The following FAR2 variants were observed in gnomAD, a reference collection of about 807,000 sequenced individuals.
FAR2 encodes fatty acyl-CoA reductase 2, also known as epididymis secretory protein Li 81.
Under a neutral mutation model 56.0 loss-of-function variants are expected in FAR2, and 19 were observed. The ratio of observed to expected loss-of-function variants is 0.34; its 90% confidence interval spans 0.24 to 0.50. The LOEUF is 0.50. Among genes scored for constraint, FAR2 ranks in the 20% least tolerant of loss-of-function variants. The probability of loss-of-function intolerance (pLI) is 0.98; values close to 1 mark genes in which losing one functional copy is unlikely to be tolerated. For missense variants in FAR2, 508 were observed against 642.2 expected (o/e 0.79, Z 2.26); for synonymous variants, 219 against 218.8 (o/e 1.00, Z -0.01).
At chr12:29,290,465 G>T (rs1948947614) in intron 2 of FAR2, among the ~76,000 whole-genome samples, 1 of 151,354 alleles carries the variant, frequency 6.6e-6, no homozygotes, top group South Asian at 2.1e-4. Flanking sequence ...AAAAAAGAAA[G>T]AAATACCATA....
chr12:29,305,528 G>T (rs1949241250), intron 4 of FAR2, among the ~76,000 whole-genome samples: 1 of 152,098 alleles, frequency 6.6e-6, no homozygotes, highest in Non-Finnish European at 1.5e-5. Flanking sequence ...AGGTTTATTG[G>T]CTCATTTTGT....
At chr12:29,207,258 C>T (rs1389215879) in intron 1 of FAR2, among the ~76,000 whole-genome samples, 3 of 152,146 alleles carry the variant, frequency 2.0e-5, no homozygotes, top group African/African-American at 4.8e-5. Flanking sequence ...CCCACTCTGG[C>T]CCCCTGCTTA....
chr12:29,210,402 A>G (rs1223417744), intron 1 of FAR2, among the ~76,000 whole-genome samples: 1 of 152,224 alleles, frequency 6.6e-6, no homozygotes, highest in Non-Finnish European at 1.5e-5. Flanking sequence ...TTCCAAGCCC[A>G]GGTTCTTTGT....
At chr12:29,187,679 T>C (rs1395685517) in intron 1 of FAR2, among the ~76,000 whole-genome samples, 1 of 152,260 alleles carries the variant, frequency 6.6e-6, no homozygotes, top group Non-Finnish European at 1.5e-5. Context: ...TTTGTGGGTC[T>C]ATTTTTCCTC....
intron 1 of FAR2, among the ~76,000 whole-genome samples, chr12:29,205,681 C>A (rs922683367): frequency 4.6e-5 from 7 of 152,132 alleles, no homozygotes; most frequent in Non-Finnish European, 1.0e-4. Context: ...AAGGTTCTCA[C>A]ATAGAGGGAA....
chr12:29,272,890 G>A (rs927564344), intron 2 of FAR2, among the ~76,000 whole-genome samples: 2 of 152,008 alleles, frequency 1.3e-5, no homozygotes, highest in Admixed American at 6.6e-5. Flanking sequence ...CAATGGTCAG[G>A]TTCCTCTTCT....
intron 1 of FAR2, among the ~76,000 whole-genome samples, chr12:29,218,079 G>A (rs188324735): frequency 6.6e-4 from 101 of 151,896 alleles, no homozygotes; most frequent in African/African-American, 2.3e-3. Context: ...TTGATTGGCC[G>A]GGTGTGGTGG....
chr12:29,159,727 G>A (rs545692739), intron 1 of FAR2, among the ~76,000 whole-genome samples: 1 of 152,282 alleles, frequency 6.6e-6, no homozygotes, highest in African/African-American at 2.4e-5. Context: ...TGGCTGAGAC[G>A]TAGCTTGCAT....
chr12:29,203,421 G>A (rs1228259201), intron 1 of FAR2, among the ~76,000 whole-genome samples: 1 of 152,096 alleles, frequency 6.6e-6, no homozygotes, highest in Non-Finnish European at 1.5e-5. Flanking sequence ...TTGGTTTTTG[G>A]TACACATGAT....
At chr12:29,330,872 AAG>A (rs1293753662) in intron 10 of FAR2, among the ~76,000 whole-genome samples, 1 of 152,202 alleles carries the variant, frequency 6.6e-6, no homozygotes, top group African/African-American at 2.4e-5. Context: ...AAAGGAAACT[AAG>A]AGTTTACTTT....
intron 1 of FAR2, among the ~76,000 whole-genome samples, chr12:29,163,525 A>T (rs1949799709): frequency 6.6e-6 from 1 of 152,246 alleles, no homozygotes; most frequent in African/African-American, 2.4e-5. Context: ...TCTACATCAG[A>T]TAAACGACTA....
intron 8 of FAR2, among the ~76,000 whole-genome samples, chr12:29,313,432 TTC>T (rs1189038997): frequency 6.6e-6 from 1 of 152,198 alleles, no homozygotes; most frequent in Non-Finnish European, 1.5e-5. Context: ...CTTTTTTATA[TTC>T]TGTTTAATTC....
At chr12:29,198,137 T>C (rs1257128541) in intron 1 of FAR2, among the ~76,000 whole-genome samples, 2 of 152,220 alleles carry the variant, frequency 1.3e-5, no homozygotes, top group South Asian at 2.1e-4. Flanking sequence ...TTGGAGAGTT[T>C]CTTTTTATGC....
chr12:29,161,604 A>G (rs1309187101), intron 1 of FAR2, among the ~76,000 whole-genome samples: 4 of 152,236 alleles, frequency 2.6e-5, no homozygotes, highest in Non-Finnish European at 5.9e-5. Context: ...TGCTATGAGC[A>G]TTCTTGAGAA....
chr12:29,184,893 A>C (rs899567691), intron 1 of FAR2, among the ~76,000 whole-genome samples: 1 of 152,338 alleles, frequency 6.6e-6, no homozygotes, highest in Non-Finnish European at 1.5e-5. Context: ...CAGTAGGAAT[A>C]GGTAAAAATA....
intron 10 of FAR2, chr12:29,331,443 T>G (rs556614095): frequency 3.9e-5 from 6 of 152,248 alleles, no homozygotes; most frequent in African/African-American, 1.4e-4. Flanking sequence ...ATCCACTCAC[T>G]GATGCAATCT....
At chr12:29,306,899 T>G (rs1257837740) in intron 4 of FAR2, among the ~76,000 whole-genome samples, 1 of 152,194 alleles carries the variant, frequency 6.6e-6, no homozygotes, top group Admixed American at 6.5e-5. Context: ...TGGAGATAAT[T>G]TTCAAGTTAT....
At chr12:29,167,597 CA>C (rs1949841292) in intron 1 of FAR2, among the ~76,000 whole-genome samples, 1 of 152,218 alleles carries the variant, frequency 6.6e-6, no homozygotes, top group African/African-American at 2.4e-5. Flanking sequence ...TTCTATTCTT[CA>C]ATTGTTACGT....
chr12:29,268,564 G>C (rs1948558569), intron 1 of FAR2, among the ~76,000 whole-genome samples: 1 of 152,170 alleles, frequency 6.6e-6, no homozygotes, highest in South Asian at 2.1e-4. Context: ...CCTGTGGTCG[G>C]TGGCCTCCCT....
Sources: gnomAD v4.1 joint callset for allele counts (sites outside exome capture counted in the v4.1 genomes callset) on GRCh38, gnomAD v4.1.1 for gene constraint, MANE v1.5 for transcripts, NCBI Gene and HGNC (gene_info 2026-07-23, HGNC 2026-07-21) for gene names.